Variants in STX18 observed in about 807,000 individuals in gnomAD.
STX18 encodes syntaxin-18.
STX18 carries 40 observed loss-of-function variants against 50.1 expected under a neutral mutation model. The observed-to-expected ratio is 0.80, with a 90% CI of 0.62 to 1.04. The LOEUF is 1.04. Among genes scored for constraint, STX18 ranks in the 50% least tolerant of loss-of-function variants. The probability of loss-of-function intolerance (pLI) is 0.00; values close to 1 mark genes in which losing one functional copy is unlikely to be tolerated. For missense variants in STX18, 410 were observed against 415.8 expected, an observed-to-expected ratio of 0.99 and a Z score of 0.12; for synonymous variants, 158 against 151.8, an observed-to-expected ratio of 1.04 and a Z score of -0.30.
chr4:4,441,275 G>A (rs1726089298), intron 5 of STX18, among the ~76,000 whole-genome samples: 3 of 152,218 alleles, frequency 2.0e-5, no homozygotes, highest in South Asian at 4.1e-4. Flanking sequence ...TCTCAATGGA[G>A]CAGTAACATC....
At chr4:4,463,609 C>T (rs993779033) in intron 2 of STX18, among the ~76,000 whole-genome samples, 1 of 152,264 alleles carries the variant, frequency 6.6e-6, no homozygotes, top group African/African-American at 2.4e-5. Context: ...TTACAACCAC[C>T]TCGTCAACCT....
At chr4:4,458,860 A>T (rs1727218062) in intron 3 of STX18, among the ~76,000 whole-genome samples, 2 of 152,172 alleles carry the variant, frequency 1.3e-5, no homozygotes, top group African/African-American at 4.8e-5. Context: ...GTGCAACCTA[A>T]GCAGCCCTGG....
At chr4:4,511,764 G>T (rs1482818217) in intron 1 of STX18, among the ~76,000 whole-genome samples, 1 of 146,478 alleles carries the variant, frequency 6.8e-6, no homozygotes, top group Non-Finnish European at 1.5e-5. Flanking sequence ...GTGTGTGTAT[G>T]CCCCTAGGTT....
chr4:4,527,867 C>CACACACATATATAT (rs372566368), intron 1 of STX18, among the ~76,000 whole-genome samples: 11 of 137,206 alleles, frequency 8.0e-5, no homozygotes, highest in African/African-American at 2.9e-4. Context: ...CACACACACA[C>CACACACATATATAT]ATATATATAT....
At chr4:4,453,640 C>G (rs990643033) in intron 5 of STX18, 3 of 978,456 alleles carry the variant, frequency 3.1e-6, no homozygotes, top group Non-Finnish European at 3.6e-6. Flanking sequence ...CTCCGAGGTA[C>G]GCCTGTCCTT....
Position 4,420,360 on chromosome 4 carries a change from C to T in STX18, c.913-231G>A, listed in dbSNP as rs1471281515. On this transcript the variant is annotated intron_variant, in intron 10 of 10. Transcript: ENST00000306200. The surrounding 1 kb of genome is among the most constrained non-coding windows in gnomAD (Gnocchi z 4.3). Reference sequence around the variant, plus strand: ...GGTCCTGCACAATTCTCCCTCAACACAACTCTCGGAATCACTCCCTTCTGT... The same window carrying T: ...GGTCCTGCACAATTCTCCCTCAACATAACTCTCGGAATCACTCCCTTCTGT... 8 of 522,254 alleles carry T rather than the reference C, an allele frequency of 1.5e-5. No individual in the cohort carries two copies. The highest frequency in any genetic ancestry group is 3.2e-5 in the Admixed American group (1 of 30,888). 32.4% of individuals were successfully genotyped at this position (522,254 alleles called of 1,614,324 possible).
At chr4:4,505,052 C>T (rs1414014555) in intron 1 of STX18, among the ~76,000 whole-genome samples, 1 of 152,124 alleles carries the variant, frequency 6.6e-6, no homozygotes, top group Non-Finnish European at 1.5e-5. Flanking sequence ...CCCCAAAATC[C>T]CATACCCATT....
intron 8 of STX18, 179 bp from the exon 9 acceptor site, chr4:4,423,766 C>CT (rs1322314802): frequency 8.0e-6 from 5 of 624,714 alleles, no homozygotes; most frequent in Non-Finnish European, 1.4e-5. Context: ...ACTGGGTCAC[C>CT]TTCCCTGTCT....
intron 1 of STX18, among the ~76,000 whole-genome samples, chr4:4,516,169 T>C (rs906061521): frequency 6.6e-6 from 1 of 152,242 alleles, no homozygotes; most frequent in South Asian, 2.1e-4. Flanking sequence ...CAGTCTATAA[T>C]TACTGGATTA....
intron 6 of STX18, among the ~76,000 whole-genome samples, chr4:4,435,314 A>G (rs2108784758): frequency 6.6e-6 from 1 of 152,300 alleles, no homozygotes; most frequent in South Asian, 2.1e-4. Flanking sequence ...AGGAAGTGAT[A>G]TACTGTTCTC....
At chr4:4,540,084 T>C (rs1731510740) in intron 1 of STX18, among the ~76,000 whole-genome samples, 1 of 152,210 alleles carries the variant, frequency 6.6e-6, no homozygotes, top group Non-Finnish European at 1.5e-5. Context: ...CTTCCTCTTA[T>C]TTCAACCTAG....
chr4:4,512,832 G>A (rs143287109), intron 1 of STX18, among the ~76,000 whole-genome samples: 1 of 152,142 alleles, frequency 6.6e-6, no homozygotes, highest in Non-Finnish European at 1.5e-5. Flanking sequence ...ATTGCTCAAA[G>A]TTAGACATGG....
At chr4:4,461,108 G>A (rs1041554148) in intron 2 of STX18, among the ~76,000 whole-genome samples, 3 of 152,166 alleles carry the variant, frequency 2.0e-5, no homozygotes, top group African/African-American at 4.8e-5. Context: ...TCTATATTTT[G>A]ATTTAATGGA....
intron 5 of STX18, among the ~76,000 whole-genome samples, chr4:4,448,424 C>G (rs1028561997): frequency 6.6e-6 from 1 of 152,146 alleles, no homozygotes; most frequent in Non-Finnish European, 1.5e-5. Context: ...TCACCACAAC[C>G]TCTACCTTCC....
chr4:4,469,427 G>A (rs978304874), intron 2 of STX18, among the ~76,000 whole-genome samples: 3 of 151,328 alleles, frequency 2.0e-5, no homozygotes, highest in Admixed American at 6.6e-5. Context: ...GAAATGAAGC[G>A]ACAGGGCCTG....
At chr4:4,421,825 T>G (rs924551519) in intron 9 of STX18, among the ~76,000 whole-genome samples, 1 of 152,124 alleles carries the variant, frequency 6.6e-6, no homozygotes, top group Non-Finnish European at 1.5e-5. Flanking sequence ...AATTTAAAAA[T>G]CAAAATAGGA....
At chr4:4,485,101 C>A (rs1728644429) in intron 1 of STX18, among the ~76,000 whole-genome samples, 1 of 152,208 alleles carries the variant, frequency 6.6e-6, no homozygotes, top group South Asian at 2.1e-4. Context: ...CCAGGTAAAA[C>A]AGACCTGGGT....
intron 1 of STX18, among the ~76,000 whole-genome samples, chr4:4,537,889 G>A (rs956898910): frequency 3.3e-5 from 5 of 152,072 alleles, no homozygotes; most frequent in Non-Finnish European, 5.9e-5. Flanking sequence ...GAAACTCACT[G>A]CCATTCAGAA....
intron 1 of STX18, among the ~76,000 whole-genome samples, chr4:4,484,062 C>A (rs556909192): frequency 6.6e-6 from 1 of 152,128 alleles, no homozygotes; most frequent in Non-Finnish European, 1.5e-5. Flanking sequence ...TGGGGTTTCA[C>A]CATGTTAGCC....
Sources: gnomAD v4.1 joint callset for allele counts (sites outside exome capture counted in the v4.1 genomes callset) on GRCh38, gnomAD v4.1.1 for gene constraint, Gnocchi (gnomAD v3.1) non-coding constraint, MANE v1.5 for transcripts, NCBI Gene and HGNC (gene_info 2026-07-23, HGNC 2026-07-21) for gene names.